The following EDNRA variants were observed in gnomAD, a reference collection of about 807,000 sequenced individuals.
The protein encoded by EDNRA is endothelin receptor type A.
A neutral mutation model predicts 41.4 loss-of-function variants in EDNRA; 11 were observed. The observed-to-expected ratio is 0.27, with a 90% CI of 0.17 to 0.44. EDNRA has a LOEUF of 0.44. EDNRA is among the 20% of genes least tolerant of loss of function. The pLI is 1.00. For synonymous variants in EDNRA, 172 were observed against 183.0 expected (o/e 0.94, Z 0.49); for missense variants, 294 against 531.0 (o/e 0.55, Z 4.39).
intron 5 of EDNRA, among the ~76,000 whole-genome samples, chr4:147,537,150 T>C (rs531791119): frequency 1.3e-5 from 2 of 152,336 alleles, no homozygotes; most frequent in Non-Finnish European, 2.9e-5. Flanking sequence ...TGTGCAAGCA[T>C]AGTTCCTCAT....
intron 3 of EDNRA, chr4:147,531,791 G>A (rs1730746543): frequency 6.6e-6 from 1 of 152,554 alleles, no homozygotes; most frequent in East Asian, 1.9e-4. Flanking sequence ...CAGATCACAA[G>A]ATCAGGAGAT....
intron 4 of EDNRA, among the ~76,000 whole-genome samples, chr4:147,533,172 A>G (rs1730811814): frequency 6.6e-6 from 1 of 152,224 alleles, no homozygotes; most frequent in Non-Finnish European, 1.5e-5. Context: ...TTACTAATTC[A>G]AAGTAGAGAG....
chr4:147,511,405 C>T (rs149491500), intron 2 of EDNRA, among the ~76,000 whole-genome samples: 16 of 152,232 alleles, frequency 1.1e-4, no homozygotes, highest in African/African-American at 3.6e-4. Context: ...CAACTTTATT[C>T]TACTTTATTC....
Position 147,535,909 on chromosome 4 carries a change from C to T in EDNRA, c.780C>T (p.Phe260=), listed in dbSNP as rs150937673. The stretch of plus-strand genomic sequence containing the variant: ...AAGATGTAAAGGACTGGTGGCTCTT[C>T]GGGTTCTATTTCTGTATGCCCTTGG... ...FYQDVKDWWL[F]GFYFCMPLVC... The change falls in exon 5 of 8, where the codon TTC becomes TTT. Residue 260 remains phenylalanine, a synonymous_variant. Coordinates refer to ENST00000651419, the MANE Select transcript of EDNRA (RefSeq NM_001957.4). 221 of 1,612,440 alleles carry T rather than the reference C, an allele frequency of 1.4e-4. No individual in the cohort carries two copies. Among genetic ancestry groups the T allele is most frequent in the Non-Finnish European group, 1.7e-4 (201 of 1,179,458 alleles).
At chr4:147,529,427 G>A (rs528921549) in intron 3 of EDNRA, among the ~76,000 whole-genome samples, 7 of 152,256 alleles carry the variant, frequency 4.6e-5, no homozygotes, top group Non-Finnish European at 8.8e-5. Flanking sequence ...AAAGGAGAGC[G>A]CATAGACAGA....
chr4:147,507,322 T>TGGTA (rs1729753264), intron 2 of EDNRA, among the ~76,000 whole-genome samples: 1 of 151,982 alleles, frequency 6.6e-6, no homozygotes, highest in Admixed American at 6.6e-5. Context: ...AAACCAACCA[T>TGGTA]GGTACATCCA....
At chr4:147,505,871 A>G (rs796532447) in intron 2 of EDNRA, among the ~76,000 whole-genome samples, 6 of 151,610 alleles carry the variant, frequency 4.0e-5, no homozygotes, top group African/African-American at 1.5e-4. Flanking sequence ...GATGGTCTCA[A>G]TCTCCTGACC....
intron 3 of EDNRA, among the ~76,000 whole-genome samples, chr4:147,528,247 C>T (rs944315399): frequency 6.6e-6 from 1 of 152,068 alleles, no homozygotes; most frequent in Non-Finnish European, 1.5e-5. Context: ...ACACTTCATT[C>T]AACAGGTATT....
chr4:147,536,874 T>C (rs1040554260), intron 5 of EDNRA, among the ~76,000 whole-genome samples: 1 of 152,190 alleles, frequency 6.6e-6, no homozygotes. Flanking sequence ...TTGGGCAAAT[T>C]GCTTAATCTC....
At position 147,519,755 on chromosome 4, in the gene EDNRA, A is replaced by C. The variant is rs10305899; in HGVS notation, c.421-96A>C. 15,942 of 1,417,898 alleles carry C rather than the reference A, an allele frequency of 0.011. 107 individuals carry two copies. The highest frequency in any genetic ancestry group is 0.017 in the Middle Eastern group (68 of 3,924). The allele number at this position is 1,417,898 out of a possible 1,614,324, so 87.8% of individuals were successfully genotyped here. On this transcript the variant is annotated intron_variant, in intron 2 of 7. Transcript: ENST00000651419. This position sits in a 1 kb window ranked among gnomAD's most constrained non-coding sequence, Gnocchi z 4.1. Reference sequence around the variant, plus strand: ...GTGCTAACTGAAAAGCACTGTGAATAAAATTTAGAAGTTGGGACGCATAAC... The same window carrying C: ...GTGCTAACTGAAAAGCACTGTGAATCAAATTTAGAAGTTGGGACGCATAAC...
At chr4:147,503,979 T>G (rs917882910) in intron 2 of EDNRA, among the ~76,000 whole-genome samples, 1 of 152,156 alleles carries the variant, frequency 6.6e-6, no homozygotes, top group Non-Finnish European at 1.5e-5. Context: ...AAAAAATTAT[T>G]TAGTGCGAAA....
chr4:147,524,366 G>T (rs561220025), intron 3 of EDNRA, among the ~76,000 whole-genome samples: 1 of 151,762 alleles, frequency 6.6e-6, no homozygotes, highest in African/African-American at 2.4e-5. Context: ...ATCTAGTGTC[G>T]GGTCACCTCA....
intron 2 of EDNRA, among the ~76,000 whole-genome samples, chr4:147,501,536 A>G (rs968677170): frequency 2.6e-5 from 4 of 152,180 alleles, no homozygotes; most frequent in Admixed American, 2.0e-4. Context: ...TCTATAGCGA[A>G]TCACCTTTAA....
chr4:147,509,756 G>T (rs1453252904), intron 2 of EDNRA, among the ~76,000 whole-genome samples: 1 of 151,414 alleles, frequency 6.6e-6, no homozygotes. Flanking sequence ...ATCTGTCACT[G>T]TCTCCCATTA....
At chr4:147,541,119 T>TA (rs1731090232) in intron 7 of EDNRA, among the ~76,000 whole-genome samples, 1 of 150,726 alleles carries the variant, frequency 6.6e-6, no homozygotes, top group South Asian at 2.1e-4. Flanking sequence ...AAATGCTGTT[T>TA]AATTGTGTAC....
chr4:147,527,555 T>A (rs569016347), intron 3 of EDNRA, among the ~76,000 whole-genome samples: 1 of 152,282 alleles, frequency 6.6e-6, no homozygotes, highest in East Asian at 1.9e-4. Flanking sequence ...GTTGAAGTGG[T>A]ATCTTTTTAA....
At chr4:147,516,441 G>A (rs1458572060) in intron 2 of EDNRA, among the ~76,000 whole-genome samples, 1 of 152,188 alleles carries the variant, frequency 6.6e-6, no homozygotes, top group East Asian at 1.9e-4. Context: ...AAATTTCAAA[G>A]TGAATGTGTT....
At chr4:147,540,269 C>A (rs1273141770) in intron 6 of EDNRA, 108 bp from the exon 7 acceptor site, 3 of 965,954 alleles carry the variant, frequency 3.1e-6, no homozygotes, top group South Asian at 1.8e-5. Flanking sequence ...GCCACCCATA[C>A]GAAATGGCTT....
chr4:147,491,482 A>G (rs981909921), intron 2 of EDNRA: 6 of 152,224 alleles, frequency 3.9e-5, no homozygotes, highest in African/African-American at 7.2e-5. Context: ...GCTTGTTGTT[A>G]TGATTTGATT....
Sources: allele counts gnomAD v4.1 joint callset (sites outside exome capture counted in the v4.1 genomes callset), GRCh38; gene constraint gnomAD v4.1.1; non-coding constraint Gnocchi (gnomAD v3.1); transcripts MANE v1.5; gene names NCBI Gene and HGNC (gene_info 2026-07-23, HGNC 2026-07-21).